THAP6: variants seen among roughly 807,000 people sequenced by gnomAD.
THAP6 encodes THAP domain containing 6.
Under a neutral mutation model 20.0 loss-of-function variants are expected in THAP6, and 13 were observed. That is an observed-to-expected ratio of 0.65 (90% confidence interval 0.42 to 1.03). The LOEUF is 1.03. THAP6 is among the 50% of genes least tolerant of loss of function. The probability of loss-of-function intolerance (pLI) is 0.00; values close to 1 mark genes in which losing one functional copy is unlikely to be tolerated. For synonymous variants in THAP6, 93 were observed against 92.2 expected (o/e 1.01, Z -0.05); for missense variants, 262 against 261.6 (o/e 1.00, Z -0.01).
At chr4:75,525,143 T>G (rs948621857) in intron 4 of THAP6, among the ~76,000 whole-genome samples, 9 of 152,240 alleles carry the variant, frequency 5.9e-5, no homozygotes, top group Non-Finnish European at 1.3e-4. Context: ...TAATTAAGAT[T>G]TGTTGAGCTT....
chr4:75,516,713 A>T, intron 2 of THAP6, 59 bp from the exon 3 acceptor site: 1 of 1,459,124 alleles, frequency 6.9e-7, no homozygotes, highest in South Asian at 1.2e-5. Flanking sequence ...AGGCAGCTTT[A>T]ATTCAATTAT....
intron 3 of THAP6, among the ~76,000 whole-genome samples, chr4:75,517,887 C>T (rs1238289773): frequency 6.6e-6 from 1 of 152,156 alleles, no homozygotes; most frequent in East Asian, 1.9e-4. Context: ...ATTTCTAGAA[C>T]CTATAGACAT....
intron 2 of THAP6, among the ~76,000 whole-genome samples, chr4:75,537,637 A>T (rs1448867203): frequency 1.3e-5 from 2 of 152,206 alleles, no homozygotes; most frequent in African/African-American, 4.8e-5. Flanking sequence ...CAGCAGTGTG[A>T]AAATGGACTA....
chr4:75,520,738 C>T (rs77652262), intron 3 of THAP6, among the ~76,000 whole-genome samples: 3,278 of 152,242 alleles, frequency 0.022, 46 homozygotes, highest in Non-Finnish European at 0.035. Flanking sequence ...TCATCCAAAG[C>T]CTCATTAGAA....
rs773735442 is a variant in THAP6 at position 75,527,054 on chromosome 4, G to A, written c.509G>A (p.Arg170Gln). 26 of 1,614,012 alleles carry A rather than the reference G, an allele frequency of 1.6e-5. No homozygotes were observed. The highest frequency in any genetic ancestry group is 2.2e-5 in the East Asian group (1 of 44,864). Residue 170 changes from arginine to glutamine, a missense_variant, in exon 5 of 5, where the codon CGG becomes CAG. Physicochemically the swap from Arg to Gln is conservative, Grantham distance 43. Transcript: ENST00000311638. ...GELEDTKESL[R>Q]NVLDREKRFQ... The stretch of plus-strand genomic sequence containing the variant: ...CTAGAGGATACAAAGGAAAGTCTAC[G>A]GAATGTTTTAGACCGAGAAAAACGT...
At chr4:75,542,926 C>T (rs1337291179) in intron 3 of THAP6, 1 of 157,784 alleles carries the variant, frequency 6.3e-6, no homozygotes, top group Admixed American at 6.2e-5. Flanking sequence ...CCCATAGTTA[C>T]TCATTACCAC....
At chr4:75,536,404 C>T (rs977878527) in intron 2 of THAP6, among the ~76,000 whole-genome samples, 1 of 151,962 alleles carries the variant, frequency 6.6e-6, no homozygotes, top group African/African-American at 2.4e-5. Flanking sequence ...GTGGAGGTTG[C>T]GGTGAGCTGA....
At chr4:75,540,858 A>C (rs576309771) in intron 2 of THAP6, among the ~76,000 whole-genome samples, 36 of 152,324 alleles carry the variant, frequency 2.4e-4, no homozygotes, top group African/African-American at 7.7e-4. Context: ...TGAGGATGTA[A>C]AAAAATTTTG....
chr4:75,525,010 G>A (rs757608306), intron 4 of THAP6, among the ~76,000 whole-genome samples: 7 of 152,070 alleles, frequency 4.6e-5, no homozygotes, highest in Admixed American at 2.0e-4. Context: ...CCCCTGCCTC[G>A]GCCTCCCTAA....
At chr4:75,534,623 G>A (rs896696958), downstream of THAP6, among the ~76,000 whole-genome samples, 3 of 151,938 alleles carry the variant, frequency 2.0e-5, no homozygotes, top group African/African-American at 7.3e-5. Context: ...GAGTGAACAG[G>A]CAACCTACAG....
Position 75,525,788 on chromosome 4 carries a change from T to C in THAP6, c.415-1172T>C, listed in dbSNP as rs529262464. Among the ~76,000 whole-genome samples, 3 of 152,336 alleles carry C rather than the reference T, an allele frequency of 2.0e-5. No homozygotes were observed. In the East Asian group the frequency reaches 5.8e-4, roughly 29 times the overall value. The stretch of plus-strand genomic sequence containing the variant: ...CAGATTTTACTTTGTTTGACAAGAC[T>C]GTTTTGCATACTTAGTGTCCATGAA... On this transcript the variant is annotated intron_variant, in intron 4 of 4. Transcript: ENST00000311638.
intron 2 of THAP6, among the ~76,000 whole-genome samples, chr4:75,541,237 C>A (rs1726993962): frequency 6.6e-6 from 1 of 152,094 alleles, no homozygotes. Flanking sequence ...ACCCAAATAC[C>A]CATCAAGCAG....
At chr4:75,530,126 A>G (rs1346350012), downstream of THAP6, 6 of 954,536 alleles carry the variant, frequency 6.3e-6, no homozygotes, top group South Asian at 1.9e-4. Flanking sequence ...TCCTCCACCA[A>G]TAACTCTAAT....
chr4:75,543,517 A>G (rs1259477036), intron 3 of THAP6, among the ~76,000 whole-genome samples: 1 of 152,190 alleles, frequency 6.6e-6, no homozygotes, highest in African/African-American at 2.4e-5. Flanking sequence ...CATTCATATG[A>G]CAGTCCCAGG....
intron 3 of THAP6, among the ~76,000 whole-genome samples, chr4:75,518,812 T>C (rs1382453458): frequency 6.6e-6 from 1 of 152,252 alleles, no homozygotes; most frequent in African/African-American, 2.4e-5. Flanking sequence ...ATTCAGTAAA[T>C]TGGAGTGTAC....
chr4:75,528,462 A>G lies in THAP6; in HGVS notation c.*1248A>G. 1 of 985,446 alleles carries G rather than the reference A, an allele frequency of 1.0e-6. No homozygotes were observed. Among genetic ancestry groups the G allele is most frequent in the South Asian group, 4.7e-5 (1 of 21,292 alleles). The allele number at this position is 985,446 out of a possible 1,614,324, so 61.0% of individuals were successfully genotyped here. A position where few individuals can be genotyped will look rare whatever the true frequency, so the allele number is the denominator to read the frequency against. On this transcript the variant is annotated 3_prime_UTR_variant, in exon 5 of 5. Transcript: ENST00000311638. ...TTCAGAAGTCCATGTTGTAGCAGTT[A>G]GAATTTGAGTATCAGCCATTTCATT...
chr4:75,527,724 A>G lies in THAP6; in HGVS notation c.*510A>G. ...CAGTAGTACCAAAGGATCTTTTTAC[A>G]AGGCTTCCTGTGGTATTGACTCTGA... On this transcript the variant is annotated 3_prime_UTR_variant, in exon 5 of 5. Coordinates refer to ENST00000311638, the MANE Select transcript of THAP6 (RefSeq NM_144721.6). 1 of 989,626 alleles carries G rather than the reference A, an allele frequency of 1.0e-6. No homozygotes were observed. Among genetic ancestry groups the G allele is most frequent in the Non-Finnish European group, 1.2e-6 (1 of 832,412 alleles). The allele number at this position is 989,626 out of a possible 1,614,324, so 61.3% of individuals were successfully genotyped here.
chr4:75,530,301 C>T (rs1726639840), downstream of THAP6, among the ~76,000 whole-genome samples: 1 of 152,128 alleles, frequency 6.6e-6, no homozygotes, highest in South Asian at 2.1e-4. Flanking sequence ...AATATGCTGC[C>T]TTTAGAACCC....
At chr4:75,526,186 A>T (rs886183832) in intron 4 of THAP6, among the ~76,000 whole-genome samples, 2 of 152,100 alleles carry the variant, frequency 1.3e-5, no homozygotes, top group African/African-American at 4.8e-5. Context: ...ATCTGTCCAC[A>T]ATAGCTGCTG....
Sources: allele counts gnomAD v4.1 joint callset (sites outside exome capture counted in the v4.1 genomes callset), GRCh38; gene constraint gnomAD v4.1.1; transcripts MANE v1.5; gene names NCBI Gene and HGNC (gene_info 2026-07-23, HGNC 2026-07-21).